Variants in NUTM2E observed in about 807,000 individuals in gnomAD.
NUTM2E encodes NUT family member 2E.
In NUTM2E, 3 loss-of-function variants were observed where a neutral mutation model predicts 26.1. The observed-to-expected ratio is 0.12, with a 90% CI of 0.05 to 0.30. The LOEUF (loss-of-function observed/expected upper bound fraction) is 0.30. Among genes scored for constraint, NUTM2E ranks in the 10% least tolerant of loss-of-function variants. NUTM2E has a pLI of 1.00. For missense variants in NUTM2E, 62 were observed against 381.3 expected, an observed-to-expected ratio of 0.16 and a Z score of 6.97; for synonymous variants, 13 against 157.5, an observed-to-expected ratio of 0.08 and a Z score of 6.87.
At chr10:79,836,840 T>C (rs988185130) in intron 1 of NUTM2E, among the ~76,000 whole-genome samples, 31 of 151,840 alleles carry the variant, frequency 2.0e-4, no homozygotes, top group African/African-American at 7.3e-4. Flanking sequence ...TAAAAGAAAA[T>C]AAATACTATT....
chr10:79,833,814 G>A (rs1013038098), intron 1 of NUTM2E, among the ~76,000 whole-genome samples: 5 of 151,656 alleles, frequency 3.3e-5, no homozygotes, highest in Non-Finnish European at 5.9e-5. Context: ...GATTCCTCAA[G>A]GATCTAGAAC....
chr10:79,833,391 A>G (rs1331323953), intron 1 of NUTM2E, among the ~76,000 whole-genome samples: 1 of 151,194 alleles, frequency 6.6e-6, no homozygotes, highest in Non-Finnish European at 1.5e-5. Context: ...GAGCTTCTGC[A>G]CAGCAAAAGA....
chr10:79,834,948 C>G (rs1841952452), intron 1 of NUTM2E, among the ~76,000 whole-genome samples: 1 of 151,674 alleles, frequency 6.6e-6, no homozygotes, highest in Non-Finnish European at 1.5e-5. Flanking sequence ...TCTCTCTCAT[C>G]AATTTATCTA....
rs1324872587 is a variant in NUTM2E at position 79,830,401 on chromosome 10, TAAAG to T, written c.-2728+3048_-2728+3051del. The stretch of plus-strand genomic sequence containing the variant: ...AAAAATAAATATCTTCAATGTTACT[TAAAG>T]AAACAGAATTAACAAAGATGTATCA... On this transcript the variant is annotated intron_variant, in intron 1 of 9. Transcript: ENST00000429984. 4.6e-5 allele frequency among the ~76,000 whole-genome samples: 7 copies of T among 151,706 alleles called. No homozygotes were observed. In the South Asian group the frequency reaches 1.3e-3, roughly 27 times the overall value.
In NUTM2E at chr10:79,830,354, A is replaced by G. The variant is rs1841919429; in HGVS notation, c.-2728+2997A>G. On this transcript the variant is annotated intron_variant, in intron 1 of 9. Transcript: ENST00000429984. ...AAAATGTAGGTATTTTAGTGGAATA[A>G]GAATGTGATATATGAAAACAGAAAA... 1.3e-5 allele frequency among the ~76,000 whole-genome samples: 2 copies of G among 151,808 alleles called. 1 individual carries two copies. Among genetic ancestry groups the G allele is most frequent in the South Asian group, 4.2e-4 (2 of 4,798 alleles).
At position 79,838,880 on chromosome 10, in the gene NUTM2E, TG is replaced by T. The variant is rs1262737895; in HGVS notation, c.-2346del. On this transcript the variant is annotated 5_prime_UTR_variant, in exon 3 of 10. The change abolishes the stop of an existing upstream ORF in the 5' untranslated region. Coordinates refer to ENST00000429984, the MANE Select transcript of NUTM2E (RefSeq NM_001355263.2). ...TGCCATCAACCGCCGCAACTGGCGC[TG>T]GGAGCGGTTGAGGGCGGCCGGCCTC... Among the ~76,000 whole-genome samples, 3 of 149,756 alleles carry T rather than the reference TG, an allele frequency of 2.0e-5. No homozygotes were observed. The highest frequency in any genetic ancestry group is 4.5e-5 in the Non-Finnish European group (3 of 67,148).
intron 5 of NUTM2E, among the ~76,000 whole-genome samples, chr10:79,845,518 T>C (rs1295118649): frequency 9.3e-6 from 1 of 107,946 alleles, no homozygotes; most frequent in East Asian, 2.1e-4. Flanking sequence ...GCCTGGCACA[T>C]GCTATGATAC....
At chr10:79,829,911 A>C (rs549725945) in intron 1 of NUTM2E, among the ~76,000 whole-genome samples, 1 of 151,484 alleles carries the variant, frequency 6.6e-6, no homozygotes, top group Non-Finnish European at 1.5e-5. Context: ...AGTTGCAGAC[A>C]AAACAAATAT....
At chr10:79,838,634 C>G (rs1250640909) in intron 2 of NUTM2E, among the ~76,000 whole-genome samples, 48 bp downstream of exon 2, 2 of 150,836 alleles carry the variant, frequency 1.3e-5, no homozygotes, top group Non-Finnish European at 3.0e-5. Flanking sequence ...AGGGCCCCCA[C>G]TAGGAAAGCT....
At chr10:79,827,530 A>G (rs184384002) in intron 1 of NUTM2E, 173 bp downstream of exon 1, 31 of 149,876 alleles carry the variant, frequency 2.1e-4, no homozygotes, top group Admixed American at 1.3e-3. Context: ...TTCTAGAGCA[A>G]TGTCTTTCTT....
At chr10:79,845,357 G>T (rs1589310856) in intron 5 of NUTM2E, among the ~76,000 whole-genome samples, 1 of 113,674 alleles carries the variant, frequency 8.8e-6, no homozygotes, top group African/African-American at 2.8e-5. Context: ...GCCTGCACAG[G>T]GGGATGGTCT....
rs1191825208 is a variant in NUTM2E at position 79,838,857 on chromosome 10, C to A, written c.-2372C>A. Among the ~76,000 whole-genome samples the A allele has an allele frequency of 6.6e-6, 1 of 151,064 alleles. No individual in the cohort carries two copies. Among genetic ancestry groups the A allele is most frequent in the Non-Finnish European group, 1.5e-5 (1 of 67,652 alleles). On this transcript the variant is annotated 5_prime_UTR_variant, in exon 3 of 10. Coordinates refer to ENST00000429984, the MANE Select transcript of NUTM2E (RefSeq NM_001355263.2). ...TGCTCTCGCGCTGCGCGTCTCCCTG[C>A]CATCAACCGCCGCAACTGGCGCTGG...
chr10:79,836,555 G>A (rs1298132114), intron 1 of NUTM2E, among the ~76,000 whole-genome samples: 3 of 151,758 alleles, frequency 2.0e-5, no homozygotes, highest in Non-Finnish European at 2.9e-5. Context: ...TTTACATATC[G>A]ACAGCGTACT....
intron 1 of NUTM2E, among the ~76,000 whole-genome samples, chr10:79,836,667 C>T (rs1342644661): frequency 6.6e-6 from 1 of 151,872 alleles, no homozygotes; most frequent in East Asian, 1.9e-4. Context: ...CTCATAAACA[C>T]TACAAGCTAG....
At chr10:79,830,472 T>A (rs1185019920) in intron 1 of NUTM2E, among the ~76,000 whole-genome samples, 1 of 151,740 alleles carries the variant, frequency 6.6e-6, no homozygotes, top group East Asian at 1.9e-4. Flanking sequence ...AAAATAACTT[T>A]CAAAGATGAA....
At chr10:79,828,175 A>G (rs1047840204) in intron 1 of NUTM2E, among the ~76,000 whole-genome samples, 6 of 151,708 alleles carry the variant, frequency 4.0e-5, no homozygotes, top group African/African-American at 1.5e-4. Flanking sequence ...TAATTTAAGG[A>G]TATTGAAAAT....
chr10:79,832,525 ATAGAAT>A (rs536092857), intron 1 of NUTM2E, among the ~76,000 whole-genome samples: 4,218 of 151,768 alleles, frequency 0.028, 114 homozygotes, highest in Non-Finnish European at 0.041. Flanking sequence ...GAATATTGAC[ATAGAAT>A]TAGAATTATA....
chr10:79,827,795 GTT>G (rs57414762), intron 1 of NUTM2E, among the ~76,000 whole-genome samples: 86,908 of 127,840 alleles, frequency 0.68, 28,410 homozygotes, highest in Admixed American at 0.76. Flanking sequence ...TTTTTTTTTT[GTT>G]TTTTTTTTTT....
At position 79,838,816 on chromosome 10, in the gene NUTM2E, T is replaced by G. The variant is rs1744229; in HGVS notation, c.-2413T>G. Among the ~76,000 whole-genome samples, 282 of 151,576 alleles carry G rather than the reference T, an allele frequency of 1.9e-3. 1 individual carries two copies. In the East Asian group the frequency reaches 0.035, roughly 19 times the overall value. ...AAGGACGCCATGAGAGCGAAGGCCG[T>G]TGGGTCACCGCCCTTTGCTCTCGCG... is the stretch of plus-strand genomic sequence containing the variant. On this transcript the variant is annotated 5_prime_UTR_variant, in exon 3 of 10. Coordinates refer to ENST00000429984, the MANE Select transcript of NUTM2E (RefSeq NM_001355263.2).
Sources: allele counts gnomAD v4.1 joint callset (sites outside exome capture counted in the v4.1 genomes callset), GRCh38; gene constraint gnomAD v4.1.1; transcripts MANE v1.5; gene names NCBI Gene and HGNC (gene_info 2026-07-23, HGNC 2026-07-21).